The following FBXL7 variants were observed in gnomAD, a reference collection of about 807,000 sequenced individuals.
FBXL7 encodes F-box/LRR-repeat protein 7.
Under a neutral mutation model 38.3 loss-of-function variants are expected in FBXL7, and 12 were observed. That is an observed-to-expected ratio of 0.31 (90% CI 0.20 to 0.51). The LOEUF is 0.51. FBXL7 is among the 20% of genes least tolerant of loss of function. FBXL7 has a pLI of 0.98. For missense variants in FBXL7, 567 were observed against 676.4 expected (o/e 0.84, Z 1.79); for synonymous variants, 297 against 300.9 (o/e 0.99, Z 0.13).
At chr5:15,555,365 T>C (rs1738199241) in intron 1 of FBXL7, among the ~76,000 whole-genome samples, 1 of 152,120 alleles carries the variant, frequency 6.6e-6, no homozygotes, top group Non-Finnish European at 1.5e-5. Flanking sequence ...AGTGTGGGTG[T>C]GTGGGAAGCA....
At chr5:15,613,412 G>A (rs556306143) in intron 1 of FBXL7, among the ~76,000 whole-genome samples, 1 of 152,308 alleles carries the variant, frequency 6.6e-6, no homozygotes, top group Non-Finnish European at 1.5e-5. Flanking sequence ...AATGGCCACA[G>A]CTGCCAGGCC....
chr5:15,680,716 T>C (rs1340911628), intron 2 of FBXL7, among the ~76,000 whole-genome samples: 1 of 152,182 alleles, frequency 6.6e-6, no homozygotes, highest in Non-Finnish European at 1.5e-5. Context: ...TGACTCCAAA[T>C]GTGTGAATTT....
chr5:15,904,347 T>G (rs1253953374), intron 2 of FBXL7, among the ~76,000 whole-genome samples: 1 of 152,178 alleles, frequency 6.6e-6, no homozygotes, highest in African/African-American at 2.4e-5. Context: ...ACAATACACT[T>G]TGTTCCCTCT....
At chr5:15,613,984 G>C (rs1249605034) in intron 1 of FBXL7, among the ~76,000 whole-genome samples, 1 of 152,116 alleles carries the variant, frequency 6.6e-6, no homozygotes, top group Non-Finnish European at 1.5e-5. Flanking sequence ...AGCTCTGTGG[G>C]ATGTCTCATA....
At chr5:15,754,706 C>T (rs1021839165) in intron 2 of FBXL7, among the ~76,000 whole-genome samples, 10 of 152,228 alleles carry the variant, frequency 6.6e-5, no homozygotes, top group African/African-American at 1.4e-4. Flanking sequence ...TACTGTCCTT[C>T]GGGAATAGTG....
At chr5:15,899,465 A>G (rs1741182967) in intron 2 of FBXL7, among the ~76,000 whole-genome samples, 1 of 152,270 alleles carries the variant, frequency 6.6e-6, no homozygotes, top group Admixed American at 6.5e-5. Context: ...TAACATTTCT[A>G]TGAAAAAGGA....
chr5:15,821,523 C>T (rs146688763), intron 2 of FBXL7, among the ~76,000 whole-genome samples: 222 of 152,336 alleles, frequency 1.5e-3, no homozygotes, highest in African/African-American at 4.9e-3. Flanking sequence ...TACTTAACCT[C>T]TCAGAACATC....
At chr5:15,830,758 G>A (rs1342627322) in intron 2 of FBXL7, among the ~76,000 whole-genome samples, 1 of 152,084 alleles carries the variant, frequency 6.6e-6, no homozygotes, top group Non-Finnish European at 1.5e-5. Flanking sequence ...TGACCTTGAG[G>A]CCAGTTTTGC....
chr5:15,826,441 C>A (rs1738310315), intron 2 of FBXL7, among the ~76,000 whole-genome samples: 1 of 152,076 alleles, frequency 6.6e-6, no homozygotes. Flanking sequence ...TTTGTTGAGA[C>A]AAAGTCTCAC....
intron 2 of FBXL7, among the ~76,000 whole-genome samples, chr5:15,861,515 A>G (rs1421189643): frequency 3.3e-5 from 5 of 152,308 alleles, no homozygotes; most frequent in Admixed American, 6.5e-5. Context: ...TCAGTGGGAA[A>G]CTACACTGTA....
At chr5:15,680,494 C>T (rs1284751084) in intron 2 of FBXL7, among the ~76,000 whole-genome samples, 1 of 152,002 alleles carries the variant, frequency 6.6e-6, no homozygotes, top group Non-Finnish European at 1.5e-5. Flanking sequence ...AGGAAAGAAC[C>T]AGGTTTAAAT....
chr5:15,759,998 A>G (rs1736396708), intron 2 of FBXL7, among the ~76,000 whole-genome samples: 1 of 152,216 alleles, frequency 6.6e-6, no homozygotes, highest in African/African-American at 2.4e-5. Context: ...AATGACTGCC[A>G]TAGAACCATT....
At chr5:15,759,657 T>C (rs1736389992) in intron 2 of FBXL7, among the ~76,000 whole-genome samples, 1 of 152,220 alleles carries the variant, frequency 6.6e-6, no homozygotes, top group Non-Finnish European at 1.5e-5. Context: ...TATATTGTTC[T>C]CTGATAGGTA....
In FBXL7 at chr5:15,579,875, A is replaced by G. The variant is rs541504641; in HGVS notation, c.38-36108A>G. On this transcript the variant is annotated intron_variant, in intron 1 of 3. Coordinates refer to ENST00000504595, the MANE Select transcript of FBXL7 (RefSeq NM_012304.5). Reference sequence around the variant, plus strand: ...GGCTTCCTCACAGAATTACTGTCTCAGGGCAGCCAAGCTGCTTACATGGCA... The same window carrying G: ...GGCTTCCTCACAGAATTACTGTCTCGGGGCAGCCAAGCTGCTTACATGGCA... Among the ~76,000 whole-genome samples, 8 of 152,244 alleles carry G rather than the reference A, an allele frequency of 5.3e-5. No homozygotes were observed. In the East Asian group the frequency reaches 1.5e-3, roughly 29 times the overall value.
chr5:15,683,847 A>G (rs1197991001), intron 2 of FBXL7, among the ~76,000 whole-genome samples: 1 of 152,152 alleles, frequency 6.6e-6, no homozygotes, highest in Non-Finnish European at 1.5e-5. Context: ...GTAGAAGTTT[A>G]TCACTTCTTT....
chr5:15,745,724 G>T (rs1230550706), intron 2 of FBXL7, among the ~76,000 whole-genome samples: 2 of 152,168 alleles, frequency 1.3e-5, no homozygotes, highest in Non-Finnish European at 2.9e-5. Flanking sequence ...CCTACATTTG[G>T]AGCAGCATGA....
intron 2 of FBXL7, among the ~76,000 whole-genome samples, chr5:15,783,479 T>A (rs1449181497): frequency 6.6e-6 from 1 of 152,090 alleles, no homozygotes; most frequent in Non-Finnish European, 1.5e-5. Flanking sequence ...ATGAATGAGA[T>A]AACCAACATG....
intron 2 of FBXL7, among the ~76,000 whole-genome samples, chr5:15,725,723 A>G (rs926645165): frequency 2.6e-5 from 4 of 152,040 alleles, no homozygotes; most frequent in South Asian, 2.1e-4. Context: ...TGCAACCTCC[A>G]TCTCCCATGT....
chr5:15,611,661 T>C (rs1453465773), intron 1 of FBXL7, among the ~76,000 whole-genome samples: 1 of 152,132 alleles, frequency 6.6e-6, no homozygotes, highest in Admixed American at 6.6e-5. Context: ...GGTTACTTTA[T>C]AGAACCTAAA....
Sources: allele counts gnomAD v4.1 joint callset (sites outside exome capture counted in the v4.1 genomes callset), GRCh38; gene constraint gnomAD v4.1.1; transcripts MANE v1.5; gene names NCBI Gene and HGNC (gene_info 2026-07-23, HGNC 2026-07-21).